RGP1: variants seen among roughly 807,000 people sequenced by gnomAD.
The protein encoded by RGP1 is RGP1 partner of RAB6A GEF complex, also known as RAB6A-GEF complex partner protein 2.
In RGP1, 28 loss-of-function variants were observed where a neutral mutation model predicts 44.5. The ratio of observed to expected loss-of-function variants is 0.63; its 90% confidence interval spans 0.47 to 0.86. The LOEUF is 0.86. RGP1 is among the 40% of genes least tolerant of loss of function. The pLI, the probability that RGP1 is intolerant of heterozygous loss-of-function variation, is 0.00. For synonymous variants in RGP1, 212 were observed against 196.7 expected (o/e 1.08, Z -0.65); for missense variants, 417 against 490.7 (o/e 0.85, Z 1.42).
At position 35,753,560 on chromosome 9, in the gene RGP1, C is replaced by A; in HGVS notation, c.*686C>A. The A allele has an allele frequency of 9.6e-7, 1 of 1,043,296 alleles. No homozygotes were observed. Among genetic ancestry groups the A allele is most frequent in the South Asian group, 1.5e-5 (1 of 66,778 alleles). 64.6% of individuals were successfully genotyped at this position (1,043,296 alleles called of 1,614,324 possible). A position where few individuals can be genotyped will look rare whatever the true frequency, so the allele number is the denominator to read the frequency against. On this transcript the variant is annotated 3_prime_UTR_variant, in exon 9 of 9. Coordinates refer to ENST00000378078, the MANE Select transcript of RGP1 (RefSeq NM_001080496.3). This position sits in a 1 kb window ranked among gnomAD's most constrained non-coding sequence, Gnocchi z 4.2. ...CAGGTTTGGCCCATCTTGTATTGCT[C>A]TTCTGTTCATTCTTACATCACAGCA...
chr9:35,750,412 G>A (rs1279595281), intron 3 of RGP1, 33 bp downstream of exon 3: 3 of 1,610,098 alleles, frequency 1.9e-6, no homozygotes, highest in South Asian at 1.1e-5. Flanking sequence ...GGAGAGGGGG[G>A]GTGCGGAGGG....
chr9:35,788,671 G>A, the RGP1 span, among the ~76,000 whole-genome samples: 1 of 152,168 alleles, frequency 6.6e-6, no homozygotes, highest in Non-Finnish European at 1.5e-5. Context: ...GGCCATGACA[G>A]TGCTACAAAG....
chr9:35,760,865 G>A (rs1272214235), downstream of RGP1, among the ~76,000 whole-genome samples: 3 of 152,194 alleles, frequency 2.0e-5, no homozygotes, highest in Non-Finnish European at 2.9e-5. Flanking sequence ...AAATAAGGAG[G>A]CCTCAGGTTA....
chr9:35,750,413 G>T (rs765180660), intron 3 of RGP1, 34 bp downstream of exon 3: 12 of 1,610,226 alleles, frequency 7.5e-6, no homozygotes, highest in African/African-American at 1.3e-5. Flanking sequence ...GAGAGGGGGG[G>T]TGCGGAGGGT....
chr9:35,770,549 A>G, the RGP1 span, among the ~76,000 whole-genome samples: 11 of 135,784 alleles, frequency 8.1e-5, no homozygotes, highest in Non-Finnish European at 1.4e-4. Context: ...GTTGAGTGGA[A>G]AACGAAATCT....
downstream of RGP1, chr9:35,758,699 T>C (rs1827391895): frequency 6.6e-6 from 1 of 152,296 alleles, no homozygotes; most frequent in Admixed American, 6.5e-5. Context: ...TTTGCTCTGC[T>C]GGGCATCTTG....
chr9:35,775,480 G>A, the RGP1 span, among the ~76,000 whole-genome samples: 1 of 152,160 alleles, frequency 6.6e-6, no homozygotes, highest in Non-Finnish European at 1.5e-5. Flanking sequence ...GAGAGAAGGG[G>A]AAGAGATAGT....
chr9:35,785,828 A>G, the RGP1 span, among the ~76,000 whole-genome samples: 19 of 152,074 alleles, frequency 1.2e-4, no homozygotes, highest in Non-Finnish European at 1.5e-5. Context: ...CGTCTTGTAT[A>G]TCCAGTCGGC....
the RGP1 span, among the ~76,000 whole-genome samples, chr9:35,775,901 T>G: frequency 2.6e-5 from 4 of 152,246 alleles, no homozygotes; most frequent in Non-Finnish European, 1.5e-5. Flanking sequence ...ATATAATGCT[T>G]TACAATATAC....
At chr9:35,782,188 T>C in the RGP1 span, among the ~76,000 whole-genome samples, 1 of 152,078 alleles carries the variant, frequency 6.6e-6, no homozygotes, top group Admixed American at 6.5e-5. Flanking sequence ...GGAAATTTTA[T>C]TGATGTTTTG....
the RGP1 span, among the ~76,000 whole-genome samples, chr9:35,763,607 C>T: frequency 1.3e-5 from 2 of 152,088 alleles, no homozygotes; most frequent in African/African-American, 4.8e-5. Context: ...TCAGACTGGG[C>T]GCGATGGCTC....
the RGP1 span, among the ~76,000 whole-genome samples, chr9:35,787,815 G>A: frequency 3.3e-5 from 5 of 152,208 alleles, no homozygotes; most frequent in East Asian, 9.6e-4. Flanking sequence ...TATCTTTCCT[G>A]CCTTATTTGA....
the RGP1 span, among the ~76,000 whole-genome samples, chr9:35,773,305 T>C: frequency 0.059 from 8,946 of 152,030 alleles, 828 homozygotes; most frequent in African/African-American, 0.2. Context: ...GCAGGAGGAT[T>C]GCTTGAGCCC....
intron 5 of RGP1, 68 bp downstream of exon 5, chr9:35,751,057 G>A: frequency 1.9e-6 from 3 of 1,581,010 alleles, no homozygotes; most frequent in Non-Finnish European, 2.6e-6. Flanking sequence ...GTCTTAGAGG[G>A]CTTGCAAGAG....
chr9:35,778,787 T>C, the RGP1 span, among the ~76,000 whole-genome samples: 1 of 152,232 alleles, frequency 6.6e-6, no homozygotes, highest in Admixed American at 6.5e-5. Context: ...TAGATCCACG[T>C]GCACCTGAAA....
chr9:35,776,473 G>C, the RGP1 span, among the ~76,000 whole-genome samples: 1 of 151,858 alleles, frequency 6.6e-6, no homozygotes, highest in Non-Finnish European at 1.5e-5. Flanking sequence ...TTTCAGTAGA[G>C]ACAGGGTTTC....
At chr9:35,762,171 A>G (rs935558060), downstream of RGP1, among the ~76,000 whole-genome samples, 3 of 152,198 alleles carry the variant, frequency 2.0e-5, no homozygotes, top group African/African-American at 7.2e-5. Context: ...TGGTATATTC[A>G]TGTCATGCCA....
the RGP1 span, among the ~76,000 whole-genome samples, chr9:35,774,931 C>T: frequency 6.6e-6 from 1 of 152,086 alleles, no homozygotes; most frequent in South Asian, 2.1e-4. Context: ...CAGCAGCCTC[C>T]TCCCCATATT....
chr9:35,751,212 T>C, intron 5 of RGP1, 54 bp from the exon 6 acceptor site: 2 of 1,600,518 alleles, frequency 1.2e-6, no homozygotes, highest in Non-Finnish European at 1.7e-6. Flanking sequence ...CCCTAACCTC[T>C]ACTCTCATCT....
Sources: allele counts gnomAD v4.1 joint callset (sites outside exome capture counted in the v4.1 genomes callset), GRCh38; gene constraint gnomAD v4.1.1; non-coding constraint Gnocchi (gnomAD v3.1); transcripts MANE v1.5; gene names NCBI Gene and HGNC (gene_info 2026-07-23, HGNC 2026-07-21).